SAXO5: variants seen among roughly 807,000 people sequenced by gnomAD.
SAXO5 encodes the protein stabilizer of axonemal microtubules 5, also known as testis expressed 45.
the SAXO5 span, chr19:7,504,326 G>T: frequency 1.2e-6 from 2 of 1,614,236 alleles, no homozygotes; most frequent in South Asian, 1.1e-5. Context: ...CTCCGGAGTG[G>T]AGCTGGGAGA....
At chr19:7,506,222 CCGA>C in the SAXO5 span, 1 of 1,387,416 alleles carries the variant, frequency 7.2e-7, no homozygotes, top group African/African-American at 1.5e-5. Flanking sequence ...AGCCCCACCC[CCGA>C]AAGCCCCGCC....
the SAXO5 span, among the ~76,000 whole-genome samples, chr19:7,498,012 G>A: frequency 2.0e-5 from 3 of 151,892 alleles, no homozygotes; most frequent in Non-Finnish European, 2.9e-5. Flanking sequence ...TTGGCCGGGC[G>A]TGGTGGCGGA....
At chr19:7,501,449 T>A in the SAXO5 span, 22 of 1,423,942 alleles carry the variant, frequency 1.5e-5, no homozygotes, top group Non-Finnish European at 2.0e-5. Context: ...ATTGTGGTTC[T>A]CAAACAGGGG....
At chr19:7,500,825 G>C in the SAXO5 span, 11 of 1,479,714 alleles carry the variant, frequency 7.4e-6, no homozygotes, top group Non-Finnish European at 9.8e-6. Flanking sequence ...GTCCCGCGAT[G>C]GCCACAGGCG....
the SAXO5 span, chr19:7,508,339 C>T: frequency 1.2e-6 from 2 of 1,613,842 alleles, no homozygotes; most frequent in Non-Finnish European, 1.7e-6. Flanking sequence ...GGCTTCGTGC[C>T]CCTGGGCACG....
At chr19:7,508,077 C>G in the SAXO5 span, 3 of 699,350 alleles carry the variant, frequency 4.3e-6, no homozygotes, top group Non-Finnish European at 7.2e-6. Flanking sequence ...ACTGGCTCCG[C>G]CCCGACCAGC....
the SAXO5 span, chr19:7,508,396 A>T: frequency 6.2e-7 from 1 of 1,613,084 alleles, no homozygotes; most frequent in East Asian, 2.2e-5. Flanking sequence ...CTGGTCCCCC[A>T]GCCCCCTATG....
At chr19:7,505,786 C>A in the SAXO5 span, among the ~76,000 whole-genome samples, 9 of 152,140 alleles carry the variant, frequency 5.9e-5, no homozygotes, top group Non-Finnish European at 1.3e-4. Flanking sequence ...CACTCCGATC[C>A]TCCTCCGTGG....
the SAXO5 span, chr19:7,506,393 A>G: frequency 4.2e-6 from 2 of 472,074 alleles, no homozygotes; most frequent in South Asian, 1.9e-5. Context: ...CCCACCCCCA[A>G]TTGACCAGAA....
the SAXO5 span, chr19:7,501,048 G>C: frequency 6.6e-7 from 1 of 1,514,068 alleles, no homozygotes; most frequent in Non-Finnish European, 8.8e-7. Flanking sequence ...CTGGGACCGG[G>C]AAGAGCGCGT....
At chr19:7,501,083 G>A in the SAXO5 span, 2 of 1,499,654 alleles carry the variant, frequency 1.3e-6, no homozygotes, top group African/African-American at 1.5e-5. Flanking sequence ...GCGCGTTCCC[G>A]CCGCCATCCA....
the SAXO5 span, among the ~76,000 whole-genome samples, chr19:7,500,145 C>T: frequency 3.9e-5 from 6 of 152,118 alleles, no homozygotes; most frequent in African/African-American, 1.2e-4. Context: ...TGTCATCTCC[C>T]GCCCCATTAT....
the SAXO5 span, among the ~76,000 whole-genome samples, chr19:7,502,834 G>C: frequency 6.6e-6 from 1 of 152,096 alleles, no homozygotes; most frequent in Admixed American, 6.6e-5. Flanking sequence ...TGGTGTGTCT[G>C]GTGCAGAGAG....
At chr19:7,506,553 C>T in the SAXO5 span, 2 of 368,354 alleles carry the variant, frequency 5.4e-6, no homozygotes, top group Admixed American at 4.2e-5. Flanking sequence ...GGCTCCGCCC[C>T]TGACCCGCTA....
At chr19:7,501,231 C>T in the SAXO5 span, 84 of 1,552,984 alleles carry the variant, frequency 5.4e-5, no homozygotes, top group South Asian at 8.9e-4. Flanking sequence ...CTGGCCCGAG[C>T]TGCCGGCGCG....
At chr19:7,506,146 C>T in the SAXO5 span, 1 of 1,607,994 alleles carries the variant, frequency 6.2e-7, no homozygotes, top group Non-Finnish European at 8.5e-7. Flanking sequence ...AGCAAAGCTA[C>T]CTGCCGCGGG....
At chr19:7,508,424 G>T in the SAXO5 span, 1 of 1,607,730 alleles carries the variant, frequency 6.2e-7, no homozygotes, top group Non-Finnish European at 8.5e-7. Context: ...GCCCCAGCCA[G>T]CAATAAATGC....
At chr19:7,500,918 G>T in the SAXO5 span, 1 of 1,583,900 alleles carries the variant, frequency 6.3e-7, no homozygotes, top group Non-Finnish European at 8.5e-7. Context: ...GGCCTGACCT[G>T]CGGCTGCACG....
chr19:7,501,422 T>A, the SAXO5 span: 4 of 1,458,666 alleles, frequency 2.7e-6, no homozygotes, highest in Non-Finnish European at 3.6e-6. Context: ...CCGGGCTGAG[T>A]GGGCGATTTG....
Sources: gnomAD v4.1 joint callset for allele counts (sites outside exome capture counted in the v4.1 genomes callset) on GRCh38, gnomAD v4.1.1 for gene constraint, MANE v1.5 for transcripts, NCBI Gene and HGNC (gene_info 2026-07-23, HGNC 2026-07-21) for gene names.